Variants in SUPT3H observed in about 807,000 individuals in gnomAD.
SUPT3H encodes transcription initiation protein SPT3 homolog.
In SUPT3H, 44 loss-of-function variants were observed where a neutral mutation model predicts 44.3. That is an observed-to-expected ratio of 0.99 (90% CI 0.78 to 1.28). SUPT3H has a LOEUF of 1.28. Ranked by LOEUF, SUPT3H falls within the 50% of genes most tolerant of loss-of-function variation. The pLI, the probability that SUPT3H is intolerant of heterozygous loss-of-function variation, is 0.00. For missense variants in SUPT3H, 380 were observed against 387.1 expected (o/e 0.98, Z 0.15); for synonymous variants, 124 against 125.6 (o/e 0.99, Z 0.09).
chr6:44,889,741 C>A (rs1762971316), intron 10 of SUPT3H, among the ~76,000 whole-genome samples: 1 of 152,084 alleles, frequency 6.6e-6, no homozygotes, highest in Non-Finnish European at 1.5e-5. Flanking sequence ...GCAATGGCAA[C>A]CAAAGACAAA....
At chr6:45,136,411 G>GT (rs1273296015) in intron 2 of SUPT3H, among the ~76,000 whole-genome samples, 1 of 151,980 alleles carries the variant, frequency 6.6e-6, no homozygotes, top group African/African-American at 2.4e-5. Context: ...TTAGTCCAGT[G>GT]TTCAAACAAA....
At chr6:45,175,633 ATAAAC>A (rs1439493490) in intron 2 of SUPT3H, among the ~76,000 whole-genome samples, 2 of 152,198 alleles carry the variant, frequency 1.3e-5, no homozygotes, top group Non-Finnish European at 2.9e-5. Flanking sequence ...AGTTTATTAA[ATAAAC>A]TAACAGATTT....
chr6:45,051,513 C>A (rs1337658148), intron 3 of SUPT3H, among the ~76,000 whole-genome samples: 1 of 150,332 alleles, frequency 6.7e-6, no homozygotes, highest in Non-Finnish European at 1.5e-5. Flanking sequence ...ATATATTTAT[C>A]AAATGTATGT....
At chr6:44,842,012 C>G (rs1475731280) in intron 10 of SUPT3H, among the ~76,000 whole-genome samples, 3 of 152,198 alleles carry the variant, frequency 2.0e-5, no homozygotes, top group South Asian at 2.1e-4. Context: ...GATGAGGTGA[C>G]AGAGAGAGAT....
chr6:44,816,392 C>A (rs951871690), intron 11 of SUPT3H, among the ~76,000 whole-genome samples: 1 of 152,090 alleles, frequency 6.6e-6, no homozygotes, highest in African/African-American at 2.4e-5. Context: ...AAATAAGAGA[C>A]AAACTATCAA....
chr6:44,964,804 C>G (rs1331080814), intron 6 of SUPT3H, among the ~76,000 whole-genome samples: 1 of 152,170 alleles, frequency 6.6e-6, no homozygotes, highest in Non-Finnish European at 1.5e-5. Context: ...GCTGACTCAA[C>G]AGCAAAGACT....
intron 3 of SUPT3H, among the ~76,000 whole-genome samples, chr6:45,039,943 A>G (rs1219432927): frequency 6.6e-6 from 1 of 152,182 alleles, no homozygotes; most frequent in African/African-American, 2.4e-5. Context: ...TTATACAAAT[A>G]AGAATAAAGG....
chr6:45,255,418 G>GTTTTT (rs11394172), intron 2 of SUPT3H, among the ~76,000 whole-genome samples: 9 of 116,224 alleles, frequency 7.7e-5, no homozygotes, highest in African/African-American at 1.0e-4. Context: ...CCTATAATAG[G>GTTTTT]TTTTTTTTTT....
intron 10 of SUPT3H, among the ~76,000 whole-genome samples, chr6:44,919,533 G>T (rs1447685842): frequency 6.7e-6 from 1 of 150,072 alleles, no homozygotes; most frequent in Non-Finnish European, 1.5e-5. Flanking sequence ...ATATCCCCCT[G>T]AAATTAGTTT....
chr6:45,209,572 T>C (rs1297436329), intron 2 of SUPT3H, among the ~76,000 whole-genome samples: 1 of 152,220 alleles, frequency 6.6e-6, no homozygotes, highest in Non-Finnish European at 1.5e-5. Flanking sequence ...ATGATCAAAC[T>C]TGAAGCAATG....
intron 2 of SUPT3H, among the ~76,000 whole-genome samples, chr6:45,282,627 A>G (rs1220405026): frequency 1.3e-5 from 2 of 152,218 alleles, no homozygotes; most frequent in African/African-American, 2.4e-5. Flanking sequence ...CCTGAAAGTG[A>G]CGGGCAGAAT....
chr6:45,228,933 C>T (rs1221886575), intron 2 of SUPT3H, among the ~76,000 whole-genome samples: 1 of 152,110 alleles, frequency 6.6e-6, no homozygotes, highest in East Asian at 1.9e-4. Context: ...AGCCACCGTG[C>T]CCAACCTAAA....
chr6:45,010,060 T>C (rs1783256798), intron 5 of SUPT3H, among the ~76,000 whole-genome samples: 1 of 152,182 alleles, frequency 6.6e-6, no homozygotes, highest in African/African-American at 2.4e-5. Flanking sequence ...AGGTCTTTAG[T>C]AATTTTATTC....
chr6:45,358,407 T>C (rs935273391), intron 2 of SUPT3H, among the ~76,000 whole-genome samples: 2 of 152,204 alleles, frequency 1.3e-5, no homozygotes, highest in African/African-American at 4.8e-5. Context: ...TTTCTATCAC[T>C]GTGGAAAGTT....
chr6:44,970,996 C>G (rs924802138), intron 6 of SUPT3H, among the ~76,000 whole-genome samples: 4 of 152,092 alleles, frequency 2.6e-5, no homozygotes, highest in African/African-American at 9.7e-5. Flanking sequence ...AAAAGGGAAG[C>G]CTGTCAGTGC....
At chr6:44,992,471 A>G (rs1049006706) in intron 6 of SUPT3H, among the ~76,000 whole-genome samples, 4 of 152,180 alleles carry the variant, frequency 2.6e-5, no homozygotes. Context: ...GATGTAGGAA[A>G]GGTGGAAATA....
chr6:45,052,066 A>G (rs1456563314), intron 3 of SUPT3H, among the ~76,000 whole-genome samples: 1 of 152,236 alleles, frequency 6.6e-6, no homozygotes, highest in African/African-American at 2.4e-5. Context: ...GAGCCAGACA[A>G]TAAAATCTTT....
At chr6:45,344,392 T>C (rs1034858057) in intron 2 of SUPT3H, among the ~76,000 whole-genome samples, 1 of 152,166 alleles carries the variant, frequency 6.6e-6, no homozygotes, top group South Asian at 2.1e-4. Flanking sequence ...CAATGTACTT[T>C]GTTGCCCATT....
At chr6:45,371,693 T>G (rs1423113920) in intron 1 of SUPT3H, among the ~76,000 whole-genome samples, 1 of 152,192 alleles carries the variant, frequency 6.6e-6, no homozygotes, top group South Asian at 2.1e-4. Context: ...GGTCATTAAG[T>G]TATCTTGGAG....
Sources: gnomAD v4.1 joint callset for allele counts (sites outside exome capture counted in the v4.1 genomes callset) on GRCh38, gnomAD v4.1.1 for gene constraint, MANE v1.5 for transcripts, NCBI Gene and HGNC (gene_info 2026-07-23, HGNC 2026-07-21) for gene names.